The following RORA variants were observed in gnomAD, a reference collection of about 807,000 sequenced individuals.
RORA encodes nuclear receptor ROR-alpha.
Under a neutral mutation model 69.5 loss-of-function variants are expected in RORA, and 7 were observed. The ratio of observed to expected loss-of-function variants is 0.10; its 90% CI spans 0.06 to 0.19. The LOEUF (loss-of-function observed/expected upper bound fraction) is 0.19. Ranked by LOEUF, RORA falls within the 10% of genes least tolerant of loss-of-function variation. RORA has a pLI of 1.00. For missense variants in RORA, 457 were observed against 663.0 expected, an observed-to-expected ratio of 0.69 and a Z score of 3.41; for synonymous variants, 261 against 240.8, an observed-to-expected ratio of 1.08 and a Z score of -0.78.
intron 1 of RORA, among the ~76,000 whole-genome samples, chr15:61,126,305 T>G (rs2079142045): frequency 1.3e-5 from 2 of 152,232 alleles, no homozygotes; most frequent in Non-Finnish European, 2.9e-5. Flanking sequence ...TATGTACACA[T>G]GGTGAAATGA....
At chr15:60,899,980 G>A (rs1891341669) in intron 1 of RORA, among the ~76,000 whole-genome samples, 1 of 152,170 alleles carries the variant, frequency 6.6e-6, no homozygotes, top group African/African-American at 2.4e-5. Flanking sequence ...CAAATTTTCT[G>A]CAGAATTATT....
At chr15:60,843,646 C>T (rs554632786) in intron 1 of RORA, among the ~76,000 whole-genome samples, 1 of 152,210 alleles carries the variant, frequency 6.6e-6, no homozygotes, top group East Asian at 1.9e-4. Flanking sequence ...TCAAGATTCA[C>T]ACTCTGACCG....
chr15:60,879,383 G>A (rs1377441575), intron 1 of RORA, among the ~76,000 whole-genome samples: 2 of 151,998 alleles, frequency 1.3e-5, no homozygotes, highest in Non-Finnish European at 2.9e-5. Flanking sequence ...AGGACTGTTG[G>A]GTAGAGTATA....
At chr15:60,519,226 C>T (rs1170695917) in intron 3 of RORA, among the ~76,000 whole-genome samples, 1 of 152,130 alleles carries the variant, frequency 6.6e-6, no homozygotes, top group Non-Finnish European at 1.5e-5. Context: ...CTTATGGTAC[C>T]TGATTAAAAC....
chr15:60,871,952 G>T (rs1357268825), intron 1 of RORA, among the ~76,000 whole-genome samples: 1 of 152,180 alleles, frequency 6.6e-6, no homozygotes, highest in Non-Finnish European at 1.5e-5. Context: ...CTGGGTAAAA[G>T]GTATGCAGAA....
chr15:60,641,431 A>T (rs995591783), intron 2 of RORA, among the ~76,000 whole-genome samples: 3 of 151,954 alleles, frequency 2.0e-5, no homozygotes, highest in African/African-American at 7.3e-5. Flanking sequence ...TTTTTTTAAG[A>T]TGGAGTCTTG....
intron 2 of RORA, among the ~76,000 whole-genome samples, chr15:60,644,122 A>T (rs1567139083): frequency 6.6e-6 from 1 of 152,202 alleles, no homozygotes; most frequent in Non-Finnish European, 1.5e-5. Context: ...TAATTTGAGA[A>T]AATTCCTTAA....
In RORA at chr15:60,496,373, G is replaced by A. The variant is rs1420542414; in HGVS notation, c.*1082C>T. 6.6e-6 allele frequency: 1 copy of A among 151,728 alleles called. No individual in the cohort carries two copies. Among genetic ancestry groups the A allele is most frequent in the East Asian group, 1.9e-4 (1 of 5,192 alleles). 9.4% of individuals were successfully genotyped at this position (151,728 alleles called of 1,614,324 possible). ...AGCATAAGAATTCCAAGTTGAGACC[G>A]AGTCCATATTTAACTACTGAATTGT... On this transcript the variant is annotated 3_prime_UTR_variant, in exon 11 of 11. Coordinates refer to ENST00000335670, the MANE Select transcript of RORA (RefSeq NM_134261.3). This position sits in a 1 kb window ranked among gnomAD's most constrained non-coding sequence, Gnocchi z 4.5.
intron 1 of RORA, among the ~76,000 whole-genome samples, chr15:61,207,327 T>C (rs1220688017): frequency 1.3e-5 from 2 of 152,206 alleles, no homozygotes; most frequent in African/African-American, 4.8e-5. Flanking sequence ...GGAAGTTAAA[T>C]GGACCTAAGA....
chr15:61,129,124 G>A (rs1296251875), intron 1 of RORA, among the ~76,000 whole-genome samples: 1 of 152,100 alleles, frequency 6.6e-6, no homozygotes, highest in African/African-American at 2.4e-5. Context: ...AGTCATTATG[G>A]AAATATGTCT....
chr15:60,644,878 G>A (rs752647528), intron 2 of RORA, among the ~76,000 whole-genome samples: 8 of 152,142 alleles, frequency 5.3e-5, no homozygotes, highest in Admixed American at 1.3e-4. Flanking sequence ...CACTGGGCCC[G>A]TCTTATGAAG....
chr15:60,522,069 C>T (rs1277129884), intron 3 of RORA, among the ~76,000 whole-genome samples: 2 of 152,156 alleles, frequency 1.3e-5, no homozygotes, highest in Admixed American at 1.3e-4. Flanking sequence ...AAGGCTCATA[C>T]CAGGTTGCAA....
chr15:61,181,359 G>A (rs935832817), intron 1 of RORA: 6 of 152,106 alleles, frequency 3.9e-5, no homozygotes, highest in African/African-American at 1.4e-4. Flanking sequence ...AGAACATTGA[G>A]CTCTTTTCAT....
intron 1 of RORA, among the ~76,000 whole-genome samples, chr15:61,216,722 G>T (rs1293114630): frequency 1.3e-5 from 2 of 152,166 alleles, no homozygotes; most frequent in East Asian, 1.9e-4. Context: ...GGGAGGTAAC[G>T]TCAGGAAAGC....
At chr15:60,599,867 C>T (rs914224311) in intron 2 of RORA, among the ~76,000 whole-genome samples, 1 of 152,150 alleles carries the variant, frequency 6.6e-6, no homozygotes, top group Non-Finnish European at 1.5e-5. Context: ...AAGGATTAAT[C>T]GTTGGTTTGA....
rs775960162 is a variant in RORA, at chr15:61,184,986, CAA to C, written c.166+44065_166+44066del. Among the ~76,000 whole-genome samples, 178 of 59,664 alleles carry C rather than the reference CAA, an allele frequency of 3.0e-3. 2 individuals are homozygous for C. The highest frequency in any genetic ancestry group is 0.01 in the African/African-American group (165 of 16,472). The allele number at this position is 59,664 out of a possible 152,430, so 39.1% of individuals were successfully genotyped here. A position where few individuals can be genotyped will look rare whatever the true frequency, so the allele number is the denominator to read the frequency against. ...GGCAAAGGAGCGAGACCCTGTCTCT[CAA>C]AAAAAAAAAAAAAAAAGAAGAAGAA... is the stretch of plus-strand genomic sequence containing the variant. On this transcript the variant is annotated intron_variant, in intron 1 of 10. Transcript: ENST00000335670.
At position 61,032,464 on chromosome 15, in the gene RORA, G is replaced by A. The variant is rs543031951; in HGVS notation, c.166+196589C>T. Reference sequence around the variant, plus strand: ...TTAAAAGTTGGTTTTCAAACTATAAGCCACTAAGAGGTAAAAATCAAGAAC... The same window carrying A: ...TTAAAAGTTGGTTTTCAAACTATAAACCACTAAGAGGTAAAAATCAAGAAC... On this transcript the variant is annotated intron_variant, in intron 1 of 10. Coordinates refer to ENST00000335670, the MANE Select transcript of RORA (RefSeq NM_134261.3). 6.6e-5 allele frequency among the ~76,000 whole-genome samples: 10 copies of A among 152,262 alleles called. No individual in the cohort carries two copies. The East Asian group carries it at 1.9e-3, about 29-fold the overall frequency.
In RORA at chr15:60,491,422, A is replaced by G. The variant is rs2065038764; in HGVS notation, c.*6033T>C. The G allele has an allele frequency of 6.6e-6, 1 of 152,172 alleles. No homozygotes were observed. The highest frequency in any genetic ancestry group is 1.5e-5 in the Non-Finnish European group (1 of 68,010). The allele number at this position is 152,172 out of a possible 1,614,324, so 9.4% of individuals were successfully genotyped here. A position where few individuals can be genotyped will look rare whatever the true frequency, so the allele number is the denominator to read the frequency against. ...GTGGCAAAGTACATTAAATGTAAACAGCAAACACAGATTTCCTAGGCATCT... is the reference window on the plus strand; with the variant it reads ...GTGGCAAAGTACATTAAATGTAAACGGCAAACACAGATTTCCTAGGCATCT... On this transcript the variant is annotated 3_prime_UTR_variant, in exon 11 of 11. Coordinates refer to ENST00000335670, the MANE Select transcript of RORA (RefSeq NM_134261.3).
At chr15:60,936,259 A>G (rs1297299514) in intron 1 of RORA, among the ~76,000 whole-genome samples, 2 of 152,226 alleles carry the variant, frequency 1.3e-5, no homozygotes, top group Non-Finnish European at 1.5e-5. Flanking sequence ...CTTGCTCCTT[A>G]CAGTCTTCTG....
Sources: allele counts gnomAD v4.1 joint callset (sites outside exome capture counted in the v4.1 genomes callset), GRCh38; gene constraint gnomAD v4.1.1; non-coding constraint Gnocchi (gnomAD v3.1); transcripts MANE v1.5; gene names NCBI Gene and HGNC (gene_info 2026-07-23, HGNC 2026-07-21).